The following MPP7 variants were observed in gnomAD, a reference collection of about 807,000 sequenced individuals.
MPP7 encodes MAGUK p55 scaffold protein 7, also known as MAGUK p55 subfamily member 7.
Under a neutral mutation model 76.5 loss-of-function variants are expected in MPP7, and 60 were observed. The observed-to-expected ratio is 0.78, with a 90% CI of 0.64 to 0.97. The LOEUF (loss-of-function observed/expected upper bound fraction) is 0.97, where lower values mean the gene tolerates loss of function less well. MPP7 is among the 50% of genes least tolerant of loss of function. The pLI is 0.00. For synonymous variants in MPP7, 237 were observed against 244.5 expected (o/e 0.97, Z 0.29); for missense variants, 641 against 694.0 (o/e 0.92, Z 0.86).
intron 2 of MPP7, among the ~76,000 whole-genome samples, chr10:28,232,375 AC>A (rs1838916787): frequency 6.6e-6 from 1 of 151,746 alleles, no homozygotes; most frequent in Non-Finnish European, 1.5e-5. Context: ...ACACACACAC[AC>A]ACACACACAC....
chr10:28,333,444 C>T (rs958153458), intron 1 of MPP7, among the ~76,000 whole-genome samples: 4 of 152,186 alleles, frequency 2.6e-5, no homozygotes, highest in South Asian at 2.1e-4. Context: ...TGCGCCTGGC[C>T]GCTATTCTAA....
intron 2 of MPP7, among the ~76,000 whole-genome samples, chr10:28,210,399 C>T (rs1838093525): frequency 6.6e-6 from 1 of 152,154 alleles, no homozygotes; most frequent in South Asian, 2.1e-4. Flanking sequence ...ATAATATCTC[C>T]TATTGGTTTT....
intron 2 of MPP7, among the ~76,000 whole-genome samples, chr10:28,313,689 AAAT>A (rs1187833467): frequency 7.2e-5 from 11 of 151,870 alleles, no homozygotes; most frequent in Non-Finnish European, 4.4e-5. Context: ...GTAAACAACC[AAAT>A]AATAACTTTT....
Position 28,105,059 on chromosome 10 carries a change from C to G in MPP7, c.952+14592G>C, listed in dbSNP as rs948989277. 2.9e-4 allele frequency among the ~76,000 whole-genome samples: 42 copies of G among 143,466 alleles called. 1 individual carries two copies. The highest frequency in any genetic ancestry group is 4.5e-5 in the Non-Finnish European group (3 of 67,136). 94.1% of individuals were successfully genotyped at this position (143,466 alleles called of 152,430 possible). A position where few individuals can be genotyped will look rare whatever the true frequency, so the allele number is the denominator to read the frequency against. The stretch of plus-strand genomic sequence containing the variant: ...ATCCCAGCTAGTCGGGAGGCTGAGG[C>G]AGGAGAATCGCTTAAACCAGGGAGT... On this transcript the variant is annotated intron_variant, in intron 11 of 16. Transcript: ENST00000683449.
rs535066515 is a variant in MPP7 at position 28,073,539 on chromosome 10, G to A, written c.1124-3687C>T. On this transcript the variant is annotated intron_variant, in intron 12 of 16. Coordinates refer to ENST00000683449, the MANE Select transcript of MPP7 (RefSeq NM_001318170.2). The stretch of plus-strand genomic sequence containing the variant: ...AATCCCAGCACTTTGGGAGGCCAAG[G>A]CAGGTGGATCATTTGATATCAGGAG... 2.1e-3 allele frequency among the ~76,000 whole-genome samples: 318 copies of A among 152,234 alleles called. 2 individuals are homozygous for A. Among genetic ancestry groups the A allele is most frequent in the African/African-American group, 7.6e-3 (315 of 41,538 alleles).
At chr10:28,190,566 A>G (rs1837381000) in intron 3 of MPP7, among the ~76,000 whole-genome samples, 1 of 152,216 alleles carries the variant, frequency 6.6e-6, no homozygotes, top group Non-Finnish European at 1.5e-5. Context: ...ACAACATTTT[A>G]AATAACACAT....
chr10:28,140,899 G>A (rs1475718252), intron 5 of MPP7, among the ~76,000 whole-genome samples: 1 of 152,094 alleles, frequency 6.6e-6, no homozygotes, highest in Admixed American at 6.5e-5. Context: ...CCAACACATA[G>A]TAAAATGTAA....
At chr10:28,069,936 A>G in intron 12 of MPP7, 84 bp from the exon 13 acceptor site, 1 of 956,384 alleles carries the variant, frequency 1.0e-6, no homozygotes. Flanking sequence ...TCTAAGACAG[A>G]CTGAAAACAT....
At chr10:28,084,047 A>G (rs1852891147) in intron 12 of MPP7, among the ~76,000 whole-genome samples, 1 of 152,218 alleles carries the variant, frequency 6.6e-6, no homozygotes. Flanking sequence ...AGTTTCACAT[A>G]AAGTTAATTT....
At chr10:28,309,106 C>T (rs1042625275) in intron 2 of MPP7, among the ~76,000 whole-genome samples, 4 of 152,082 alleles carry the variant, frequency 2.6e-5, no homozygotes, top group African/African-American at 9.7e-5. Context: ...ACTTTATGGT[C>T]TCCAAGGAAA....
chr10:28,053,765 T>A lies in MPP7; in HGVS notation c.*300A>T. On this transcript the variant is annotated 3_prime_UTR_variant, in exon 17 of 17. Coordinates refer to ENST00000683449, the MANE Select transcript of MPP7 (RefSeq NM_001318170.2). Reference sequence around the variant, plus strand: ...TGAACTCCCATACATACTAAGCCTCTAGCTAAGTCTCTCTGAAAATTTCAG... The same window carrying A: ...TGAACTCCCATACATACTAAGCCTCAAGCTAAGTCTCTCTGAAAATTTCAG... The A allele has an allele frequency of 3.0e-6, 1 of 331,378 alleles. No individual in the cohort carries two copies. Among genetic ancestry groups the A allele is most frequent in the Non-Finnish European group, 5.5e-6 (1 of 182,454 alleles). The allele number at this position is 331,378 out of a possible 1,614,324, so 20.5% of individuals were successfully genotyped here.
At chr10:28,111,613 A>G (rs375611587) in intron 11 of MPP7, among the ~76,000 whole-genome samples, 141 of 151,250 alleles carry the variant, frequency 9.3e-4, no homozygotes, top group African/African-American at 3.0e-3. Flanking sequence ...TGTCCTTAAC[A>G]TATCTAAATA....
chr10:28,154,563 A>T (rs1201623325), intron 3 of MPP7, among the ~76,000 whole-genome samples: 1 of 152,212 alleles, frequency 6.6e-6, no homozygotes, highest in Non-Finnish European at 1.5e-5. Context: ...GGCTTAAATT[A>T]AATGATTAAA....
intron 1 of MPP7, among the ~76,000 whole-genome samples, chr10:28,246,251 T>C (rs1223987600): frequency 6.6e-6 from 1 of 152,096 alleles, no homozygotes; most frequent in African/African-American, 2.4e-5. Context: ...AGAGGATCAG[T>C]GAATTTCTCA....
At chr10:28,293,339 T>G (rs925303948) in intron 1 of MPP7, among the ~76,000 whole-genome samples, 3 of 152,120 alleles carry the variant, frequency 2.0e-5, no homozygotes, top group Middle Eastern at 3.2e-3. Flanking sequence ...TAGCTGCAAA[T>G]AAGAACAATA....
intron 3 of MPP7, among the ~76,000 whole-genome samples, chr10:28,175,160 C>T (rs1034553909): frequency 1.5e-4 from 23 of 151,920 alleles, no homozygotes; most frequent in African/African-American, 4.4e-4. Flanking sequence ...CGTGGTGATG[C>T]GCACCTATAG....
intron 3 of MPP7, among the ~76,000 whole-genome samples, chr10:28,174,154 G>T (rs1394624173): frequency 6.6e-6 from 1 of 152,192 alleles, no homozygotes; most frequent in Non-Finnish European, 1.5e-5. Flanking sequence ...TAGCAAGAAT[G>T]TGTGTGTGGA....
chr10:28,081,768 CTTT>C (rs527520547), intron 12 of MPP7, among the ~76,000 whole-genome samples: 3 of 143,806 alleles, frequency 2.1e-5, no homozygotes, highest in Admixed American at 1.4e-4. Context: ...AAATTATTCT[CTTT>C]TTTTTTTTTT....
intron 12 of MPP7, among the ~76,000 whole-genome samples, chr10:28,083,924 A>G (rs1040778668): frequency 1.3e-5 from 2 of 152,202 alleles, no homozygotes; most frequent in Non-Finnish European, 2.9e-5. Flanking sequence ...GAATAAAATG[A>G]ATATTCTCCA....
Sources: allele counts gnomAD v4.1 joint callset (sites outside exome capture counted in the v4.1 genomes callset), GRCh38; gene constraint gnomAD v4.1.1; transcripts MANE v1.5; gene names NCBI Gene and HGNC (gene_info 2026-07-23, HGNC 2026-07-21).